The following TENM3 variants were observed in gnomAD, a reference collection of about 807,000 sequenced individuals.
TENM3 encodes the protein teneurin-3.
Under a neutral mutation model 255.1 loss-of-function variants are expected in TENM3, and 63 were observed. The ratio of observed to expected loss-of-function variants is 0.25; its 90% CI spans 0.20 to 0.30. The LOEUF is 0.30. Among genes scored for constraint, TENM3 ranks in the 10% least tolerant of loss-of-function variants. TENM3 has a pLI of 1.00. For missense variants in TENM3, 2,929 were observed against 3,461.1 expected, an observed-to-expected ratio of 0.85 and a Z score of 3.86; for synonymous variants, 1,306 against 1,322.3, an observed-to-expected ratio of 0.99 and a Z score of 0.27.
chr4:182,571,263 C>T (rs540098125), intron 3 of TENM3, among the ~76,000 whole-genome samples: 3 of 152,276 alleles, frequency 2.0e-5, no homozygotes, highest in African/African-American at 2.4e-5. Flanking sequence ...CGATGGCTCC[C>T]GCCTGTAATC....
chr4:181,805,768 A>C, the TENM3 span, among the ~76,000 whole-genome samples: 1 of 152,146 alleles, frequency 6.6e-6, no homozygotes, highest in Non-Finnish European at 1.5e-5. Context: ...CTGAAGCAAT[A>C]AAGAGTTAGA....
At chr4:182,513,500 G>GA (rs537847412) in intron 3 of TENM3, among the ~76,000 whole-genome samples, 1,657 of 133,282 alleles carry the variant, frequency 0.012, 36 homozygotes, top group East Asian at 0.068. Context: ...GATCCTGAAT[G>GA]AAAAAAAAAA....
chr4:182,283,518 C>A (rs2150285397), intron 1 of TENM3, among the ~76,000 whole-genome samples: 1 of 152,306 alleles, frequency 6.6e-6, no homozygotes, highest in South Asian at 2.1e-4. Context: ...CTCCACGGTA[C>A]ACTTTCTAGG....
the TENM3 span, among the ~76,000 whole-genome samples, chr4:181,933,906 T>C: frequency 2.6e-5 from 4 of 152,236 alleles, no homozygotes; most frequent in African/African-American, 7.2e-5. Flanking sequence ...GAAATTAAGG[T>C]GTATGGGATG....
chr4:182,192,886 A>G (rs538498949), intron 1 of TENM3, among the ~76,000 whole-genome samples: 7 of 152,316 alleles, frequency 4.6e-5, no homozygotes, highest in Admixed American at 2.6e-4. Context: ...GCCAGCCACA[A>G]AGCTTTCCTA....
intron 3 of TENM3, among the ~76,000 whole-genome samples, chr4:182,489,965 A>G (rs1003161410): frequency 3.9e-5 from 6 of 152,146 alleles, no homozygotes; most frequent in Non-Finnish European, 8.8e-5. Context: ...ACATGTAAAA[A>G]ATATTATACA....
the TENM3 span, among the ~76,000 whole-genome samples, chr4:181,723,891 T>C: frequency 1.3e-5 from 2 of 152,212 alleles, no homozygotes; most frequent in African/African-American, 4.8e-5. Context: ...CTTTAGAAAC[T>C]AGAGATAGTG....
chr4:182,061,459 T>A, the TENM3 span, among the ~76,000 whole-genome samples: 41 of 152,264 alleles, frequency 2.7e-4, no homozygotes, highest in African/African-American at 9.6e-4. Context: ...GTGAATTTCA[T>A]ACATCAGTTT....
the TENM3 span, among the ~76,000 whole-genome samples, chr4:181,498,153 A>G: frequency 1.3e-5 from 2 of 152,212 alleles, no homozygotes; most frequent in Non-Finnish European, 2.9e-5. Flanking sequence ...AATATAATCT[A>G]ACAAGAATAT....
chr4:182,314,094 C>T (rs1476036208), intron 1 of TENM3, among the ~76,000 whole-genome samples: 3 of 152,024 alleles, frequency 2.0e-5, no homozygotes, highest in East Asian at 1.9e-4. Context: ...AGGCAGATCA[C>T]GAGGTCAGGA....
At chr4:182,303,795 A>T (rs2150381001) in intron 1 of TENM3, among the ~76,000 whole-genome samples, 1 of 152,356 alleles carries the variant, frequency 6.6e-6, no homozygotes, top group Middle Eastern at 3.4e-3. Context: ...TATGGACATT[A>T]AACTTTTTAA....
intron 3 of TENM3, among the ~76,000 whole-genome samples, chr4:182,389,737 G>T (rs577347027): frequency 6.9e-6 from 1 of 145,956 alleles, no homozygotes; most frequent in Non-Finnish European, 1.5e-5. Context: ...CCAGGCTGGA[G>T]TGCAGTGGCG....
the TENM3 span, among the ~76,000 whole-genome samples, chr4:181,534,820 G>A: frequency 6.6e-6 from 1 of 152,122 alleles, no homozygotes; most frequent in Non-Finnish European, 1.5e-5. Context: ...ATCTTAGGCA[G>A]GTCCCATAGC....
the TENM3 span, among the ~76,000 whole-genome samples, chr4:181,778,643 C>G: frequency 6.6e-6 from 1 of 152,104 alleles, no homozygotes; most frequent in Non-Finnish European, 1.5e-5. Flanking sequence ...ATCCTTTCTT[C>G]CCCTGCTCAG....
At chr4:182,636,707 ACT>A (rs775895387) in intron 5 of TENM3, among the ~76,000 whole-genome samples, 4 of 145,500 alleles carry the variant, frequency 2.7e-5, no homozygotes, top group Non-Finnish European at 6.0e-5. Context: ...ACAGAGTGAG[ACT>A]CTGTCTCAAA....
At chr4:182,646,548 C>T (rs1752758361) in intron 5 of TENM3, among the ~76,000 whole-genome samples, 1 of 151,984 alleles carries the variant, frequency 6.6e-6, no homozygotes, top group South Asian at 2.1e-4. Flanking sequence ...TCAAGACCAG[C>T]CTGACCAACA....
intron 1 of TENM3, among the ~76,000 whole-genome samples, chr4:182,244,024 G>A (rs1164077163): frequency 6.8e-6 from 1 of 147,988 alleles, no homozygotes; most frequent in Non-Finnish European, 1.5e-5. Context: ...CGTGACCTCG[G>A]CTCACTGCAA....
the TENM3 span, among the ~76,000 whole-genome samples, chr4:181,956,056 AAGGC>A: frequency 6.6e-6 from 1 of 152,188 alleles, no homozygotes; most frequent in African/African-American, 2.4e-5. Context: ...GTCCACAATC[AAGGC>A]AGATTTTGTG....
chr4:182,679,173 C>T (rs1217638597), intron 7 of TENM3, among the ~76,000 whole-genome samples: 2 of 151,818 alleles, frequency 1.3e-5, no homozygotes, highest in Non-Finnish European at 2.9e-5. Flanking sequence ...CAAACCAGCA[C>T]ATTCTGCACA....
Sources: gnomAD v4.1 joint callset for allele counts (sites outside exome capture counted in the v4.1 genomes callset) on GRCh38, gnomAD v4.1.1 for gene constraint, MANE v1.5 for transcripts, NCBI Gene and HGNC (gene_info 2026-07-23, HGNC 2026-07-21) for gene names.